Variants in ARSK observed in about 807,000 individuals in gnomAD.
ARSK encodes arylsulfatase K.
A neutral mutation model predicts 53.2 loss-of-function variants in ARSK; 37 were observed. The observed-to-expected ratio is 0.70, with a 90% CI of 0.54 to 0.92. The LOEUF is 0.92. Among genes scored for constraint, ARSK ranks in the 40% least tolerant of loss-of-function variants. ARSK has a pLI of 0.00. For missense variants in ARSK, 613 were observed against 643.0 expected, an observed-to-expected ratio of 0.95 and a Z score of 0.51; for synonymous variants, 208 against 223.2, an observed-to-expected ratio of 0.93 and a Z score of 0.61.
chr5:95,568,124 A>T, intron 3 of ARSK, 75 bp downstream of exon 3: 3 of 1,399,840 alleles, frequency 2.1e-6, no homozygotes, highest in Middle Eastern at 1.9e-4. Flanking sequence ...TTTGACTTTA[A>T]TTTTTTTATT....
Position 95,604,831 on chromosome 5 carries a change from T to A in ARSK, c.*1305T>A, listed in dbSNP as rs1749473279. Reference sequence around the variant, plus strand: ...TTCTATTCTTTGCCTATTTTTCTGTTGGTTGTTGGTCTTTGTTTTGTATTA... The same window carrying A: ...TTCTATTCTTTGCCTATTTTTCTGTAGGTTGTTGGTCTTTGTTTTGTATTA... On this transcript the variant is annotated 3_prime_UTR_variant, in exon 8 of 8. Coordinates refer to ENST00000380009, the MANE Select transcript of ARSK (RefSeq NM_198150.3). 1.3e-5 allele frequency: 2 copies of A among 152,222 alleles called. No homozygotes were observed. The highest frequency in any genetic ancestry group is 1.3e-4 in the Admixed American group (2 of 15,282). The allele number at this position is 152,222 out of a possible 1,614,324, so 9.4% of individuals were successfully genotyped here.
intron 3 of ARSK, among the ~76,000 whole-genome samples, chr5:95,573,798 TATA>T (rs1748875581): frequency 6.6e-6 from 1 of 152,238 alleles, no homozygotes; most frequent in African/African-American, 2.4e-5. Context: ...GATACAGGCA[TATA>T]ATGCGTGATG....
Position 95,571,777 on chromosome 5 carries a change from C to T in ARSK, c.416+3728C>T, listed in dbSNP as rs149737873. ...TTTTTATGAGCGCTGTATGTACCCA[C>T]ACAGACATTTGGCTGACAAATAGGT... is the stretch of plus-strand genomic sequence containing the variant. On this transcript the variant is annotated intron_variant, in intron 3 of 7. Coordinates refer to ENST00000380009, the MANE Select transcript of ARSK (RefSeq NM_198150.3). 8.5e-5 allele frequency among the ~76,000 whole-genome samples: 13 copies of T among 152,300 alleles called. No individual in the cohort carries two copies. In the East Asian group the frequency reaches 2.5e-3, roughly 29 times the overall value.
At chr5:95,603,124 A>C (rs1749431430) in intron 7 of ARSK, 113 bp from the exon 8 acceptor site, 1 of 818,252 alleles carries the variant, frequency 1.2e-6, no homozygotes, top group Non-Finnish European at 1.8e-6. Context: ...TACTACACTA[A>C]CAGGAACTGA....
Sources: allele counts gnomAD v4.1 joint callset (sites outside exome capture counted in the v4.1 genomes callset), GRCh38; gene constraint gnomAD v4.1.1; transcripts MANE v1.5; gene names NCBI Gene and HGNC (gene_info 2026-07-23, HGNC 2026-07-21).